FCN1: variants seen among roughly 807,000 people sequenced by gnomAD.
FCN1 encodes ficolin 1.
FCN1 carries 42 observed loss-of-function variants against 35.6 expected under a neutral mutation model. The observed-to-expected ratio is 1.18, with a 90% CI of 0.92 to 1.53. The LOEUF (loss-of-function observed/expected upper bound fraction) is 1.53. FCN1 is among the 40% of genes most tolerant of loss of function. The pLI is 0.00. For missense variants in FCN1, 439 were observed against 428.4 expected (o/e 1.02, Z -0.22); for synonymous variants, 179 against 169.8 (o/e 1.05, Z -0.42).
rs3215910 is a variant in FCN1, at chr9:134,912,451, G to GC, written c.598+34dup. The GC allele has an allele frequency of 5.2e-4, 828 of 1,600,426 alleles. 18 individuals carry two copies. The East Asian group carries it at 0.018, about 35-fold the overall frequency. On this transcript the variant is annotated intron_variant, in intron 7 of 8. Transcript: ENST00000371806. ...GCCTAAGGGGCAGGAGCACCTCAGG[G>GC]CCCCCCAACCCCTGAGCCACGGCAG...
Position 134,903,242 on chromosome 9 carries a change from G to T in FCN1, c.*6556C>A, listed in dbSNP as rs73568037. Among the ~76,000 whole-genome samples the T allele has an allele frequency of 0.065, 9,861 of 152,164 alleles. 1,047 individuals are homozygous for T. Among genetic ancestry groups the T allele is most frequent in the African/African-American group, 0.22 (9,200 of 41,468 alleles). ...GTAAGGCTACGAAAGTGGTGAACCA[G>T]GCTATTAATCAGTTTATTAATCTAT... On this transcript the variant is annotated 3_prime_UTR_variant, in exon 9 of 9. Transcript: ENST00000371806.
intron 5 of FCN1, 43 bp downstream of exon 5, chr9:134,913,537 TG>T: frequency 2.6e-6 from 4 of 1,535,820 alleles, no homozygotes; most frequent in Admixed American, 1.8e-5. Context: ...GCCCCAGGGG[TG>T]GGGGCAAGGC....
intron 8 of FCN1, among the ~76,000 whole-genome samples, chr9:134,910,801 A>G (rs1831013780): frequency 6.6e-6 from 1 of 152,162 alleles, no homozygotes; most frequent in Non-Finnish European, 1.5e-5. Context: ...AATGTCCCAC[A>G]AGGCTGGTGT....
In FCN1 at chr9:134,913,138, G is replaced by C; in HGVS notation, c.346C>G (p.Arg116Gly). ...CGGTCTAGCAGGTCCTTGCAGTTGC[G>C]TGGGCCTGGGAAGGGAACCCGGGGA... ...GQSQSCATGP[R>G]NCKDLLDRGY... The change falls in exon 6 of 9, where the codon CGC becomes GGC. Residue 116 changes from arginine to glycine, a missense_variant. Physicochemically the swap from Arg to Gly is moderately radical, Grantham distance 125. Transcript: ENST00000371806. 6.2e-7 allele frequency: 1 copy of C among 1,613,812 alleles called. No individual in the cohort carries two copies. Among genetic ancestry groups the C allele is most frequent in the Non-Finnish European group, 8.5e-7 (1 of 1,179,906 alleles).
intron 8 of FCN1, among the ~76,000 whole-genome samples, 153 bp downstream of exon 8, chr9:134,910,980 C>T (rs940147094): frequency 1.3e-5 from 2 of 152,188 alleles, no homozygotes; most frequent in African/African-American, 2.4e-5. Context: ...GTGAGCCCCA[C>T]GCTGTACAGA....
chr9:134,913,112 C>G lies in FCN1; in HGVS notation c.372G>C (p.Arg124=), dbSNP rs769946049. Residue 124 remains arginine, a synonymous_variant, in exon 6 of 9, where the codon CGG becomes CGC. Coordinates refer to ENST00000371806, the MANE Select transcript of FCN1 (RefSeq NM_002003.5). ...GPRNCKDLLD[R]GYFLSGWHTI... ...TGTGCCAGCCGCTCAGGAAATACCC[C>G]CGGTCTAGCAGGTCCTTGCAGTTGC... 1 of 1,613,850 alleles carries G rather than the reference C, an allele frequency of 6.2e-7. No individual in the cohort carries two copies. The highest frequency in any genetic ancestry group is 1.3e-5 in the African/African-American group (1 of 74,934).
At chr9:134,912,735 C>T (rs1041999944) in intron 6 of FCN1, 120 bp from the exon 7 acceptor site, 195 of 1,361,508 alleles carry the variant, frequency 1.4e-4, no homozygotes, top group Non-Finnish European at 1.8e-4. Flanking sequence ...CGGTGCCACA[C>T]GCACGCCCAT....
At position 134,904,787 on chromosome 9, in the gene FCN1, A is replaced by G. The variant is rs1013833121; in HGVS notation, c.*5011T>C. On this transcript the variant is annotated 3_prime_UTR_variant, in exon 9 of 9. Transcript: ENST00000371806. ...AGAGTGAGACCCTGTTTCAAAAAAT[A>G]AAAATAAAAAATATATATGAAAGGG... is the stretch of plus-strand genomic sequence containing the variant. 6.6e-6 allele frequency among the ~76,000 whole-genome samples: 1 copy of G among 152,174 alleles called. No individual in the cohort carries two copies. Among genetic ancestry groups the G allele is most frequent in the Non-Finnish European group, 1.5e-5 (1 of 68,028 alleles).
rs1242787642 is a variant in FCN1 at position 134,912,627 on chromosome 9, C to T, written c.469-12G>A. On this transcript the variant is annotated splice_polypyrimidine_tract_variant and intron_variant, in intron 6 of 8. Coordinates refer to ENST00000371806, the MANE Select transcript of FCN1 (RefSeq NM_002003.5). ...CTCCGCTGGAAAACCTGTGAAGAAG[C>T]CAGGATACAGAGTTAGGCGGGGCAG... 6.2e-7 allele frequency: 1 copy of T among 1,614,116 alleles called. No individual in the cohort carries two copies. The highest frequency in any genetic ancestry group is 8.5e-7 in the Non-Finnish European group (1 of 1,179,968).
rs1830916009 is a variant in FCN1 at position 134,904,300 on chromosome 9, G to A, written c.*5498C>T. 6.6e-6 allele frequency among the ~76,000 whole-genome samples: 1 copy of A among 152,170 alleles called. No homozygotes were observed. The highest frequency in any genetic ancestry group is 2.4e-5 in the African/African-American group (1 of 41,440). On this transcript the variant is annotated 3_prime_UTR_variant, in exon 9 of 9. Coordinates refer to ENST00000371806, the MANE Select transcript of FCN1 (RefSeq NM_002003.5). ...CTTCAGAGGAGCAACAAGACTTTCA[G>A]CTAGCTTTTCAGCTGAAATAACTGA...
At position 134,905,329 on chromosome 9, in the gene FCN1, A is replaced by G. The variant is rs2989736; in HGVS notation, c.*4469T>C. Among the ~76,000 whole-genome samples the G allele has an allele frequency of 0.62, 94,076 of 152,038 alleles. 29,830 individuals carry two copies. The highest frequency in any genetic ancestry group is 0.77 in the African/African-American group (31,964 of 41,482). On this transcript the variant is annotated 3_prime_UTR_variant, in exon 9 of 9. Coordinates refer to ENST00000371806, the MANE Select transcript of FCN1 (RefSeq NM_002003.5). ...CTCCTACTTGAGAGGTCCCATGGCC[A>G]GGAAGAAGAGCACTGGCCCAAGAGG...
rs1831034360 is a variant in FCN1, at chr9:134,912,411, T to C, written c.598+75A>G. On this transcript the variant is annotated intron_variant, in intron 7 of 8. Coordinates refer to ENST00000371806, the MANE Select transcript of FCN1 (RefSeq NM_002003.5). ...CCCTGTGGGCCAAGAGGTGCTTATGTTGCAGATGGCCCAGGCCTAAGGGGC... is the reference window on the plus strand; with the variant it reads ...CCCTGTGGGCCAAGAGGTGCTTATGCTGCAGATGGCCCAGGCCTAAGGGGC... 8 of 1,467,066 alleles carry C rather than the reference T, an allele frequency of 5.5e-6. No homozygotes were observed. The East Asian group carries it at 1.8e-4, about 34-fold the overall frequency. 90.9% of individuals were successfully genotyped at this position (1,467,066 alleles called of 1,614,324 possible).
rs1160879884 is a variant in FCN1 at position 134,909,462 on chromosome 9, C to A, written c.*336G>T. 12 of 1,303,924 alleles carry A rather than the reference C, an allele frequency of 9.2e-6. No individual in the cohort carries two copies. Among genetic ancestry groups the A allele is most frequent in the Non-Finnish European group, 1.2e-5 (12 of 998,058 alleles). 80.8% of individuals were successfully genotyped at this position (1,303,924 alleles called of 1,614,324 possible). A position where few individuals can be genotyped will look rare whatever the true frequency, so the allele number is the denominator to read the frequency against. On this transcript the variant is annotated 3_prime_UTR_variant, in exon 9 of 9. Coordinates refer to ENST00000371806, the MANE Select transcript of FCN1 (RefSeq NM_002003.5). ...CCCTGAACATCGGTAGTGCCATCTG[C>A]TAAATAAGGGTCCTGACTCTTCCCG... is the stretch of plus-strand genomic sequence containing the variant.
intron 7 of FCN1, among the ~76,000 whole-genome samples, chr9:134,911,585 C>T (rs1588656032): frequency 6.6e-6 from 1 of 151,708 alleles, no homozygotes; most frequent in East Asian, 1.9e-4. Context: ...ATCTCTTCAC[C>T]TCATGATCCA....
In FCN1 at chr9:134,909,471, G is replaced by A. The variant is rs1184381776; in HGVS notation, c.*327C>T. On this transcript the variant is annotated 3_prime_UTR_variant, in exon 9 of 9. Coordinates refer to ENST00000371806, the MANE Select transcript of FCN1 (RefSeq NM_002003.5). ...TCGGTAGTGCCATCTGCTAAATAAGGGTCCTGACTCTTCCCGACTTACCAA... is the reference window on the plus strand; with the variant it reads ...TCGGTAGTGCCATCTGCTAAATAAGAGTCCTGACTCTTCCCGACTTACCAA... The A allele has an allele frequency of 1.5e-6, 2 of 1,310,460 alleles. No homozygotes were observed. The highest frequency in any genetic ancestry group is 1.2e-5 in the South Asian group (1 of 81,186). 81.2% of individuals were successfully genotyped at this position (1,310,460 alleles called of 1,614,324 possible). A position where few individuals can be genotyped will look rare whatever the true frequency, so the allele number is the denominator to read the frequency against.
rs772881793 is a variant in FCN1 at position 134,903,298 on chromosome 9, A to G, written c.*6500T>C. ...ATATATAGACTTTTCAGTAGACAAC[A>G]GCATAAAACATATTCTTTTCAAGTT... On this transcript the variant is annotated 3_prime_UTR_variant, in exon 9 of 9. Transcript: ENST00000371806. Among the ~76,000 whole-genome samples the G allele has an allele frequency of 5.3e-5, 8 of 152,326 alleles. No homozygotes were observed. The highest frequency in any genetic ancestry group is 1.2e-4 in the Non-Finnish European group (8 of 68,004).
In FCN1 at chr9:134,914,898, C is replaced by A; in HGVS notation, c.218-89G>T. On this transcript the variant is annotated intron_variant, in intron 2 of 8. Transcript: ENST00000371806. ...TTGCCCCAAGTGGTTAAGTCCTGAC[C>A]CTCCCCCACTCTGCCTTGAACCCCT... is the stretch of plus-strand genomic sequence containing the variant. 3.1e-6 allele frequency: 3 copies of A among 975,928 alleles called. No homozygotes were observed. In the South Asian group the frequency reaches 4.3e-5, roughly 14 times the overall value. 60.5% of individuals were successfully genotyped at this position (975,928 alleles called of 1,614,324 possible). A position where few individuals can be genotyped will look rare whatever the true frequency, so the allele number is the denominator to read the frequency against.
chr9:134,915,829 C>T (rs1831085553), intron 2 of FCN1, among the ~76,000 whole-genome samples: 1 of 152,238 alleles, frequency 6.6e-6, no homozygotes, highest in East Asian at 1.9e-4. Context: ...GCTGTTCATT[C>T]TCCCATGTTC....
chr9:134,916,007 C>T lies in FCN1; in HGVS notation c.217+341G>A, dbSNP rs192719335. On this transcript the variant is annotated intron_variant, in intron 2 of 8. Coordinates refer to ENST00000371806, the MANE Select transcript of FCN1 (RefSeq NM_002003.5). ...CATATGAGGCAGGTGCAGAAGAAAG[C>T]GGTCACCTCAATTTTCAGGTGAGAA... 2.6e-5 allele frequency among the ~76,000 whole-genome samples: 4 copies of T among 152,266 alleles called. No individual in the cohort carries two copies. In the East Asian group the frequency reaches 5.8e-4, roughly 22 times the overall value.
Sources: allele counts gnomAD v4.1 joint callset (sites outside exome capture counted in the v4.1 genomes callset), GRCh38; gene constraint gnomAD v4.1.1; transcripts MANE v1.5; gene names NCBI Gene and HGNC (gene_info 2026-07-23, HGNC 2026-07-21).